Variants in PTPRD observed in about 807,000 individuals in gnomAD.
PTPRD encodes the protein receptor-type tyrosine-protein phosphatase delta.
Under a neutral mutation model 214.5 loss-of-function variants are expected in PTPRD, and 34 were observed. That is an observed-to-expected ratio of 0.16 (90% confidence interval 0.12 to 0.21). The LOEUF (loss-of-function observed/expected upper bound fraction) is 0.21, where lower values mean the gene tolerates loss of function less well. Ranked by LOEUF, PTPRD falls within the 10% of genes least tolerant of loss-of-function variation. PTPRD has a pLI of 1.00. For synonymous variants in PTPRD, 1,128 were observed against 845.7 expected, an observed-to-expected ratio of 1.33 and a Z score of -5.79; for missense variants, 2,545 against 2,398.7, an observed-to-expected ratio of 1.06 and a Z score of -1.27.
intron 8 of PTPRD, among the ~76,000 whole-genome samples, chr9:9,551,674 T>G (rs1313848736): frequency 6.6e-6 from 1 of 151,950 alleles, no homozygotes; most frequent in Admixed American, 6.6e-5. Flanking sequence ...CATTGGACTT[T>G]CCATTTTAAT....
intron 5 of PTPRD, among the ~76,000 whole-genome samples, chr9:9,876,231 G>T (rs920304730): frequency 1.3e-5 from 2 of 152,032 alleles, no homozygotes; most frequent in African/African-American, 4.8e-5. Context: ...AAACTTAGTT[G>T]TACACAATCA....
chr9:8,640,470 A>G (rs1305313870), intron 12 of PTPRD, among the ~76,000 whole-genome samples: 3 of 152,120 alleles, frequency 2.0e-5, no homozygotes, highest in Non-Finnish European at 4.4e-5. Context: ...AAACTTATTA[A>G]AATAACCAGT....
intron 9 of PTPRD, among the ~76,000 whole-genome samples, chr9:9,388,447 C>G (rs903486490): frequency 6.6e-6 from 1 of 152,122 alleles, no homozygotes; most frequent in Admixed American, 6.6e-5. Context: ...ATCAATATAT[C>G]TAAATGCATA....
intron 11 of PTPRD, among the ~76,000 whole-genome samples, chr9:9,004,063 A>C (rs901235250): frequency 1.6e-4 from 25 of 152,000 alleles, no homozygotes; most frequent in African/African-American, 5.3e-4. Context: ...CCTTTAGATA[A>C]ATCTTTTTGT....
chr9:8,877,486 ATTAAC>A (rs1164827928), intron 11 of PTPRD, among the ~76,000 whole-genome samples: 1 of 152,194 alleles, frequency 6.6e-6, no homozygotes, highest in Non-Finnish European at 1.5e-5. Flanking sequence ...GCAATAATAA[ATTAAC>A]TTATTAAAAA....
intron 2 of PTPRD, among the ~76,000 whole-genome samples, chr9:10,603,499 A>G (rs1263886961): frequency 6.6e-6 from 1 of 151,916 alleles, no homozygotes; most frequent in Non-Finnish European, 1.5e-5. Flanking sequence ...AGATAACTGT[A>G]GCATTTACCT....
chr9:9,584,645 T>C (rs1254750814), intron 7 of PTPRD, among the ~76,000 whole-genome samples: 1 of 151,962 alleles, frequency 6.6e-6, no homozygotes, highest in African/African-American at 2.4e-5. Flanking sequence ...CCATTCCTCT[T>C]CTATTACTTT....
rs140981835 is a variant in PTPRD at position 9,082,970 on chromosome 9, T to C, written c.-142-64235A>G. 5.8e-3 allele frequency among the ~76,000 whole-genome samples: 881 copies of C among 152,272 alleles called. 10 individuals are homozygous for C. Among genetic ancestry groups the C allele is most frequent in the African/African-American group, 0.02 (832 of 41,550 alleles). On this transcript the variant is annotated intron_variant, in intron 10 of 45. Coordinates refer to ENST00000381196, the MANE Select transcript of PTPRD (RefSeq NM_002839.4). Reference sequence around the variant, plus strand: ...AGAATCAATATCATGAAAATGGCCATACTGCCCAAAGTAATTTATAGATTC... The same window carrying C: ...AGAATCAATATCATGAAAATGGCCACACTGCCCAAAGTAATTTATAGATTC...
chr9:9,018,632 A>G (rs2099546320), intron 11 of PTPRD, 65 bp downstream of exon 11: 1 of 152,202 alleles, frequency 6.6e-6, no homozygotes, highest in South Asian at 2.1e-4. Context: ...AAGAAACACT[A>G]TTAAGCAATA....
intron 9 of PTPRD, among the ~76,000 whole-genome samples, chr9:9,288,813 C>G (rs1027212916): frequency 6.6e-6 from 1 of 151,724 alleles, no homozygotes; most frequent in Non-Finnish European, 1.5e-5. Context: ...GGGCAGTTAC[C>G]CTCGTGATGT....
intron 3 of PTPRD, among the ~76,000 whole-genome samples, chr9:10,272,147 A>G (rs905486131): frequency 6.6e-6 from 1 of 152,180 alleles, no homozygotes; most frequent in African/African-American, 2.4e-5. Context: ...TTCTCTATGT[A>G]TCTCTCTATA....
At position 8,658,992 on chromosome 9, in the gene PTPRD, T is replaced by G. The variant is rs181492592; in HGVS notation, c.65-22148A>C. On this transcript the variant is annotated intron_variant, in intron 12 of 45. Coordinates refer to ENST00000381196, the MANE Select transcript of PTPRD (RefSeq NM_002839.4). ...CTCTAATCGTTCATGATTATATTTT[T>G]GCCGCAGGCCCTTTGCTTCCTTCAT... 2.2e-3 allele frequency among the ~76,000 whole-genome samples: 337 copies of G among 152,320 alleles called. 4 individuals carry two copies. Among genetic ancestry groups the G allele is most frequent in the Non-Finnish European group, 3.3e-3 (224 of 68,028 alleles).
chr9:9,861,870 GCAT>G (rs1400159823), intron 5 of PTPRD, among the ~76,000 whole-genome samples: 1 of 152,034 alleles, frequency 6.6e-6, no homozygotes, highest in African/African-American at 2.4e-5. Flanking sequence ...CTCTCCCCCT[GCAT>G]CATATTTACC....
intron 2 of PTPRD, among the ~76,000 whole-genome samples, chr9:10,510,876 C>G (rs1052044726): frequency 6.6e-6 from 1 of 152,152 alleles, no homozygotes; most frequent in African/African-American, 2.4e-5. Flanking sequence ...TTCCCAGCCT[C>G]TGGTAATCAC....
At chr9:8,702,920 T>C (rs371020023) in intron 12 of PTPRD, among the ~76,000 whole-genome samples, 2 of 152,196 alleles carry the variant, frequency 1.3e-5, no homozygotes, top group African/African-American at 4.8e-5. Flanking sequence ...AGATATACAA[T>C]TTAGTTCAGC....
intron 9 of PTPRD, among the ~76,000 whole-genome samples, chr9:9,291,461 C>T (rs937762598): frequency 5.9e-5 from 9 of 151,348 alleles, no homozygotes; most frequent in African/African-American, 2.2e-4. Flanking sequence ...ACATCTTAAC[C>T]TTTAGCTCTG....
intron 3 of PTPRD, among the ~76,000 whole-genome samples, chr9:10,324,828 C>A (rs1425555642): frequency 2.0e-5 from 3 of 152,018 alleles, no homozygotes; most frequent in African/African-American, 7.2e-5. Flanking sequence ...GATTTGCTAT[C>A]AGAAATCTCT....
intron 3 of PTPRD, among the ~76,000 whole-genome samples, chr9:10,208,848 G>C (rs936838770): frequency 6.6e-6 from 1 of 152,136 alleles, no homozygotes; most frequent in African/African-American, 2.4e-5. Flanking sequence ...TAGATGACAA[G>C]GCACCGAGGC....
chr9:10,054,160 C>CA (rs549999081), intron 3 of PTPRD, among the ~76,000 whole-genome samples: 142 of 152,176 alleles, frequency 9.3e-4, no homozygotes, highest in African/African-American at 3.2e-3. Context: ...AGAATCATAA[C>CA]AAAAAATCCC....
Sources: allele counts gnomAD v4.1 joint callset (sites outside exome capture counted in the v4.1 genomes callset), GRCh38; gene constraint gnomAD v4.1.1; transcripts MANE v1.5; gene names NCBI Gene and HGNC (gene_info 2026-07-23, HGNC 2026-07-21).